The following VPS54 variants were observed in gnomAD, a reference collection of about 807,000 sequenced individuals.
VPS54 encodes VPS54 subunit of GARP complex, also known as vacuolar protein sorting-associated protein 54.
VPS54 carries 45 observed loss-of-function variants against 121.5 expected under a neutral mutation model. The ratio of observed to expected loss-of-function variants is 0.37; its 90% CI spans 0.29 to 0.47. The LOEUF is 0.47. Ranked by LOEUF, VPS54 falls within the 20% of genes least tolerant of loss-of-function variation. VPS54 has a pLI of 0.99. For missense variants in VPS54, 1,090 were observed against 1,131.4 expected (o/e 0.96, Z 0.52); for synonymous variants, 371 against 385.8 (o/e 0.96, Z 0.45).
At chr2:63,972,295 C>T in intron 3 of VPS54, 51 bp from the exon 4 acceptor site, 1 of 1,380,502 alleles carries the variant, frequency 7.2e-7, no homozygotes, top group Non-Finnish European at 1.0e-6. Flanking sequence ...CATGAGTATT[C>T]AAAGCATGAA....
chr2:63,973,912 C>T (rs750753945), intron 3 of VPS54, among the ~76,000 whole-genome samples: 9 of 152,266 alleles, frequency 5.9e-5, no homozygotes, highest in Middle Eastern at 3.4e-3. Flanking sequence ...TTTTTTCATT[C>T]TCTTAAAGGT....
At chr2:63,989,079 T>C (rs1056132362) in intron 1 of VPS54, among the ~76,000 whole-genome samples, 1 of 152,168 alleles carries the variant, frequency 6.6e-6, no homozygotes, top group Non-Finnish European at 1.5e-5. Flanking sequence ...AAACACGCCC[T>C]AGTCTCCTGC....
At chr2:63,910,990 G>A (rs1383226101) in intron 20 of VPS54, among the ~76,000 whole-genome samples, 2 of 152,066 alleles carry the variant, frequency 1.3e-5, no homozygotes, top group African/African-American at 2.4e-5. Flanking sequence ...CTCACTGCAG[G>A]CTGGAACTCC....
At chr2:63,906,279 A>G (rs1672900213) in intron 20 of VPS54, among the ~76,000 whole-genome samples, 1 of 152,236 alleles carries the variant, frequency 6.6e-6, no homozygotes, top group South Asian at 2.1e-4. Flanking sequence ...AAAATCCCAA[A>G]GAATCTACAA....
At chr2:63,994,377 T>C (rs1018689670) in intron 1 of VPS54, among the ~76,000 whole-genome samples, 3 of 152,166 alleles carry the variant, frequency 2.0e-5, no homozygotes, top group Admixed American at 2.0e-4. Context: ...TACACAAAAT[T>C]ATTCTTATTG....
chr2:63,987,290 T>C (rs1272464285), intron 1 of VPS54, among the ~76,000 whole-genome samples: 1 of 152,214 alleles, frequency 6.6e-6, no homozygotes, highest in African/African-American at 2.4e-5. Flanking sequence ...ATATCTAGTT[T>C]TCCCAGCACA....
intron 11 of VPS54, among the ~76,000 whole-genome samples, chr2:63,942,201 CGA>C (rs748431658): frequency 1.3e-5 from 2 of 151,598 alleles, no homozygotes; most frequent in Admixed American, 6.6e-5. Context: ...CAAAAAATCA[CGA>C]GAGGAAATAT....
chr2:63,988,387 G>C, intron 1 of VPS54, among the ~76,000 whole-genome samples: 1 of 152,084 alleles, frequency 6.6e-6, no homozygotes, highest in Non-Finnish European at 1.5e-5. Flanking sequence ...AATTGTTGTT[G>C]AATTTGGTTT....
At chr2:63,939,315 T>C (rs1030264839) in intron 11 of VPS54, among the ~76,000 whole-genome samples, 1 of 152,032 alleles carries the variant, frequency 6.6e-6, no homozygotes, top group East Asian at 1.9e-4. Flanking sequence ...GAGATTGAAG[T>C]GAGCTGAGAT....
chr2:63,920,466 T>C lies in VPS54; in HGVS notation c.2031A>G (p.Glu677=), dbSNP rs780048275. The C allele has an allele frequency of 1.3e-6, 2 of 1,547,788 alleles. No individual in the cohort carries two copies. The highest frequency in any genetic ancestry group is 1.7e-6 in the Non-Finnish European group (2 of 1,150,720). Residue 677 remains glutamate, a synonymous_variant, in exon 14 of 23, where the codon GAA becomes GAG. Transcript: ENST00000272322. ...QAIKFVNRFH[E]ERKTKLSLLL... ...GATACCTGAGCTTGGTTTTTCTCTCTTCATGAAACCTATTTACAAACTTAA... is the reference window on the plus strand; with the variant it reads ...GATACCTGAGCTTGGTTTTTCTCTCCTCATGAAACCTATTTACAAACTTAA...
chr2:64,016,376 G>A (rs1434217147), intron 1 of VPS54, among the ~76,000 whole-genome samples: 1 of 152,096 alleles, frequency 6.6e-6, no homozygotes, highest in African/African-American at 2.4e-5. Context: ...TGATTTTAAA[G>A]GAAAAGCTTT....
intron 1 of VPS54, among the ~76,000 whole-genome samples, chr2:64,005,264 C>T (rs932905106): frequency 2.1e-4 from 31 of 150,882 alleles, no homozygotes; most frequent in East Asian, 5.8e-4. Flanking sequence ...CCACCGCGCC[C>T]GGCTAATTTT....
chr2:63,929,230 T>A (rs923988750), intron 12 of VPS54, among the ~76,000 whole-genome samples: 3 of 152,082 alleles, frequency 2.0e-5, no homozygotes, highest in African/African-American at 7.2e-5. Flanking sequence ...CAGCACCACA[T>A]CACACTTATT....
intron 12 of VPS54, among the ~76,000 whole-genome samples, chr2:63,926,819 A>C (rs1270444638): frequency 7.9e-5 from 12 of 152,266 alleles, no homozygotes; most frequent in Middle Eastern, 6.8e-3. Flanking sequence ...TGCAACAGGC[A>C]GACCAGGAGA....
chr2:63,913,451 C>T (rs948941699), intron 17 of VPS54, 141 bp from the exon 18 acceptor site: 1 of 469,188 alleles, frequency 2.1e-6, no homozygotes, highest in African/African-American at 2.0e-5. Flanking sequence ...CAATTAGTAT[C>T]TATTTATTTA....
chr2:63,906,545 G>A (rs1304057741), intron 20 of VPS54, among the ~76,000 whole-genome samples: 1 of 152,190 alleles, frequency 6.6e-6, no homozygotes, highest in African/African-American at 2.4e-5. Context: ...CCAGTGGTGT[G>A]TGGTAAACAT....
chr2:63,899,173 G>T (rs1672564775), intron 21 of VPS54, among the ~76,000 whole-genome samples: 1 of 152,152 alleles, frequency 6.6e-6, no homozygotes, highest in South Asian at 2.1e-4. Flanking sequence ...AATTTTCCAA[G>T]AACAGCGTAA....
intron 20 of VPS54, among the ~76,000 whole-genome samples, chr2:63,905,667 T>TCC (rs1672876944): frequency 6.6e-6 from 1 of 152,212 alleles, no homozygotes; most frequent in African/African-American, 2.4e-5. Context: ...AAGAATACTG[T>TCC]CCAACTCATT....
chr2:64,005,496 A>C (rs1455556971), intron 1 of VPS54, among the ~76,000 whole-genome samples: 1 of 152,198 alleles, frequency 6.6e-6, no homozygotes, highest in East Asian at 1.9e-4. Flanking sequence ...ATTGAATGTG[A>C]TATGAGAATA....
Sources: gnomAD v4.1 joint callset for allele counts (sites outside exome capture counted in the v4.1 genomes callset) on GRCh38, gnomAD v4.1.1 for gene constraint, MANE v1.5 for transcripts, NCBI Gene and HGNC (gene_info 2026-07-23, HGNC 2026-07-21) for gene names.